The following COMMD10 variants were observed in gnomAD, a reference collection of about 807,000 sequenced individuals.
COMMD10 encodes COMM domain-containing protein 10.
A neutral mutation model predicts 28.9 loss-of-function variants in COMMD10; 33 were observed. The observed-to-expected ratio is 1.14, with a 90% CI of 0.87 to 1.53. COMMD10 has a LOEUF of 1.53. Among genes scored for constraint, COMMD10 ranks in the 40% most tolerant of loss-of-function variants. The pLI, the probability that COMMD10 is intolerant of heterozygous loss-of-function variation, is 0.00. For missense variants in COMMD10, 310 were observed against 233.4 expected (o/e 1.33, Z -2.14); for synonymous variants, 110 against 81.7 (o/e 1.35, Z -1.87).
At chr5:116,265,155 G>C (rs937997489) in intron 5 of COMMD10, among the ~76,000 whole-genome samples, 1 of 151,900 alleles carries the variant, frequency 6.6e-6, no homozygotes, top group East Asian at 1.9e-4. Flanking sequence ...AAGAGAGCTA[G>C]AAATTGCAAT....
chr5:116,180,232 A>AT (rs1747910305), intron 5 of COMMD10, among the ~76,000 whole-genome samples: 1 of 152,162 alleles, frequency 6.6e-6, no homozygotes, highest in Admixed American at 6.6e-5. Context: ...TTTGAATGGA[A>AT]TAATACGTAC....
chr5:116,139,671 A>G (rs1374484300), intron 5 of COMMD10, among the ~76,000 whole-genome samples: 2 of 151,566 alleles, frequency 1.3e-5, no homozygotes, highest in Non-Finnish European at 1.5e-5. Context: ...CTCACCCTTA[A>G]TTACACATAC....
intron 5 of COMMD10, among the ~76,000 whole-genome samples, chr5:116,136,484 G>T (rs548098102): frequency 6.6e-6 from 1 of 152,180 alleles, no homozygotes; most frequent in African/African-American, 2.4e-5. Flanking sequence ...ACATACATTG[G>T]ATATGCTTTA....
At chr5:116,259,081 T>C (rs1025455659) in intron 5 of COMMD10, among the ~76,000 whole-genome samples, 7 of 145,732 alleles carry the variant, frequency 4.8e-5, no homozygotes, top group African/African-American at 1.0e-4. Flanking sequence ...TTTTTTTTTT[T>C]CCTGAGAGTC....
rs1312335755 is a variant in COMMD10, at chr5:116,134,789, T to A, written c.510+611T>A. Among the ~76,000 whole-genome samples the A allele has an allele frequency of 2.0e-5, 3 of 151,996 alleles. No individual in the cohort carries two copies. In the East Asian group the frequency reaches 5.8e-4, roughly 29 times the overall value. ...GGCGCCTGCCACCTTGTCCGGCTAA[T>A]TTTTTGTATTTTTAGTAGAGATGGG... On this transcript the variant is annotated intron_variant, in intron 5 of 6. Coordinates refer to ENST00000274458, the MANE Select transcript of COMMD10 (RefSeq NM_016144.4).
Position 116,132,418 on chromosome 5 carries a change from T to G in COMMD10, c.400-1650T>G, listed in dbSNP as rs150315035. On this transcript the variant is annotated intron_variant, in intron 4 of 6. Coordinates refer to ENST00000274458, the MANE Select transcript of COMMD10 (RefSeq NM_016144.4). ...TTTAAGCATGAACCAAATCATAAAC[T>G]TCAAATATAGGGTTCTTTTTAATTT... is the stretch of plus-strand genomic sequence containing the variant. Among the ~76,000 whole-genome samples the G allele has an allele frequency of 1.9e-3, 291 of 152,242 alleles. 3 individuals are homozygous for G. Among genetic ancestry groups the G allele is most frequent in the African/African-American group, 6.6e-3 (275 of 41,568 alleles).
intron 5 of COMMD10, among the ~76,000 whole-genome samples, chr5:116,181,804 A>G (rs985512767): frequency 4.6e-5 from 7 of 152,102 alleles, no homozygotes; most frequent in Non-Finnish European, 1.0e-4. Context: ...GTAGTAGGAT[A>G]TTATAAAATT....
intron 5 of COMMD10, among the ~76,000 whole-genome samples, chr5:116,261,673 T>G (rs1036587694): frequency 7.9e-5 from 12 of 151,774 alleles, no homozygotes; most frequent in Non-Finnish European, 2.9e-5. Context: ...TTTTTGCATA[T>G]GTACAGATTT....
intron 5 of COMMD10, among the ~76,000 whole-genome samples, chr5:116,140,117 T>C (rs1249342536): frequency 6.6e-6 from 1 of 151,708 alleles, no homozygotes; most frequent in Non-Finnish European, 1.5e-5. Context: ...AGTGAGATCA[T>C]GCAGTATTTT....
At position 116,092,566 on chromosome 5, in the gene COMMD10, C is replaced by T; in HGVS notation, c.265C>T (p.Pro89Ser). 6.2e-7 allele frequency: 1 copy of T among 1,604,804 alleles called. No homozygotes were observed. Among genetic ancestry groups the T allele is most frequent in the Non-Finnish European group, 8.5e-7 (1 of 1,175,846 alleles). Residue 89 changes from proline to serine, a missense_variant, in exon 4 of 7, where the codon CCA becomes TCA. Coordinates refer to ENST00000274458, the MANE Select transcript of COMMD10 (RefSeq NM_016144.4). ...ATAGGCAGTGTATCACAATGTGAAG[C>T]CAGCAGCTTTGCAGCAGCAATTAGA... ...LEQAVYHNVK[P>S]AALQQQLENI...
At chr5:116,204,560 A>G (rs188909542) in intron 5 of COMMD10, among the ~76,000 whole-genome samples, 8 of 152,074 alleles carry the variant, frequency 5.3e-5, no homozygotes, top group African/African-American at 9.7e-5. Flanking sequence ...TTTTTCCTCT[A>G]TGTTACAGGC....
intron 5 of COMMD10, among the ~76,000 whole-genome samples, chr5:116,205,985 G>C (rs1340467351): frequency 6.6e-6 from 1 of 152,056 alleles, no homozygotes; most frequent in Non-Finnish European, 1.5e-5. Flanking sequence ...TTGTATGATA[G>C]TGTCTGGAAG....
Position 116,106,444 on chromosome 5 carries a change from G to T in COMMD10, c.399+13744G>T, listed in dbSNP as rs557839823. Among the ~76,000 whole-genome samples, 3 of 152,242 alleles carry T rather than the reference G, an allele frequency of 2.0e-5. No individual in the cohort carries two copies. The East Asian group carries it at 5.8e-4, about 29-fold the overall frequency. ...TAGAATAAGTGCGTTATGGTGCTGA[G>T]AATAATGTATATTCTGTTGATTTGG... is the stretch of plus-strand genomic sequence containing the variant. On this transcript the variant is annotated intron_variant, in intron 4 of 6. Transcript: ENST00000274458.
chr5:116,254,987 T>G (rs1561394548), intron 5 of COMMD10, among the ~76,000 whole-genome samples: 1 of 151,584 alleles, frequency 6.6e-6, no homozygotes, highest in Non-Finnish European at 1.5e-5. Context: ...TGCTCCTGTA[T>G]TGGGTGCATA....
At chr5:116,232,976 G>A (rs757925407) in intron 5 of COMMD10, among the ~76,000 whole-genome samples, 10 of 152,258 alleles carry the variant, frequency 6.6e-5, no homozygotes, top group Middle Eastern at 6.8e-3. Context: ...AAAAGGATTC[G>A]TCAATTCCGG....
intron 5 of COMMD10, among the ~76,000 whole-genome samples, chr5:116,222,679 A>G (rs1054381963): frequency 6.6e-6 from 1 of 152,088 alleles, no homozygotes; most frequent in African/African-American, 2.4e-5. Context: ...AACAACATTT[A>G]GCCTATTTAT....
intron 5 of COMMD10, among the ~76,000 whole-genome samples, chr5:116,223,821 A>G (rs1203374963): frequency 6.6e-6 from 1 of 152,204 alleles, no homozygotes; most frequent in Non-Finnish European, 1.5e-5. Flanking sequence ...CAAAGGCAAC[A>G]CTTGAAATTA....
At chr5:116,152,447 A>T (rs945812617) in intron 5 of COMMD10, among the ~76,000 whole-genome samples, 1 of 152,214 alleles carries the variant, frequency 6.6e-6, no homozygotes, top group Middle Eastern at 3.4e-3. Context: ...ATGTAGATAA[A>T]AAATCTGGCT....
rs187407971 is a variant in COMMD10 at position 116,262,952 on chromosome 5, A to G, written c.511-28565A>G. Among the ~76,000 whole-genome samples, 743 of 151,916 alleles carry G rather than the reference A, an allele frequency of 4.9e-3. 18 individuals carry two copies. Among genetic ancestry groups the G allele is most frequent in the African/African-American group, 0.015 (633 of 41,310 alleles). ...AAATTATGTCTTTAGTGGCTGTAAT[A>G]TAAATGGTTAACCTTACAAAGGGAA... is the stretch of plus-strand genomic sequence containing the variant. On this transcript the variant is annotated intron_variant, in intron 5 of 6. Coordinates refer to ENST00000274458, the MANE Select transcript of COMMD10 (RefSeq NM_016144.4).
Sources: allele counts gnomAD v4.1 joint callset (sites outside exome capture counted in the v4.1 genomes callset), GRCh38; gene constraint gnomAD v4.1.1; transcripts MANE v1.5; gene names NCBI Gene and HGNC (gene_info 2026-07-23, HGNC 2026-07-21).